The following TGFBR3 variants were observed in gnomAD, a reference collection of about 807,000 sequenced individuals.
TGFBR3 encodes transforming growth factor beta receptor 3.
Under a neutral mutation model 87.9 loss-of-function variants are expected in TGFBR3, and 46 were observed. The ratio of observed to expected loss-of-function variants is 0.52; its 90% confidence interval spans 0.41 to 0.67. The LOEUF (loss-of-function observed/expected upper bound fraction) is 0.67. Among genes scored for constraint, TGFBR3 ranks in the 30% least tolerant of loss-of-function variants. The probability of loss-of-function intolerance (pLI) is 0.00; values close to 1 mark genes in which losing one functional copy is unlikely to be tolerated. For synonymous variants in TGFBR3, 381 were observed against 391.6 expected (o/e 0.97, Z 0.32); for missense variants, 866 against 1,041.9 (o/e 0.83, Z 2.32).
intron 11 of TGFBR3, 37 bp from the exon 12 acceptor site, chr1:91,716,431 C>T (rs1645675724): frequency 6.2e-7 from 1 of 1,613,958 alleles, no homozygotes; most frequent in South Asian, 1.1e-5. Flanking sequence ...TAATGACAGT[C>T]ATATGAAGGA....
At chr1:91,830,544 C>G (rs551407936) in intron 2 of TGFBR3, among the ~76,000 whole-genome samples, 49 of 152,180 alleles carry the variant, frequency 3.2e-4, no homozygotes, top group Non-Finnish European at 6.3e-4. Context: ...GTTCTACAGT[C>G]TGTTCCTAGG....
intron 13 of TGFBR3, 101 bp from the exon 14 acceptor site, chr1:91,708,884 C>A: frequency 6.8e-7 from 1 of 1,480,646 alleles, no homozygotes; most frequent in Non-Finnish European, 9.2e-7. Context: ...TCAGACAGCA[C>A]ACAGCTGTTC....
chr1:91,807,927 C>T (rs1675893961), intron 2 of TGFBR3, among the ~76,000 whole-genome samples: 1 of 152,156 alleles, frequency 6.6e-6, no homozygotes, highest in African/African-American at 2.4e-5. Context: ...AAACGCTTTA[C>T]AAACTTCAAA....
At chr1:91,799,150 T>A (rs1675503620) in intron 2 of TGFBR3, among the ~76,000 whole-genome samples, 1 of 152,270 alleles carries the variant, frequency 6.6e-6, no homozygotes, top group Middle Eastern at 3.4e-3. Flanking sequence ...CAAACAAAGT[T>A]CAGAACCAGC....
Position 91,682,298 on chromosome 1 carries a change from T to C in TGFBR3, c.*1441A>G. The C allele has an allele frequency of 2.2e-6, 1 of 454,048 alleles. No individual in the cohort carries two copies. The highest frequency in any genetic ancestry group is 1.6e-5 in the South Asian group (1 of 64,474). The allele number at this position is 454,048 out of a possible 1,614,324, so 28.1% of individuals were successfully genotyped here. Reference sequence around the variant, plus strand: ...GGGGTAGAATCTATCTTGTTCTACTTATGGAATTCTAAGTTGTTTGGGGGA... The same window carrying C: ...GGGGTAGAATCTATCTTGTTCTACTCATGGAATTCTAAGTTGTTTGGGGGA... On this transcript the variant is annotated 3_prime_UTR_variant, in exon 17 of 17. Transcript: ENST00000212355.
Position 91,850,102 on chromosome 1 carries a change from A to AT in TGFBR3, c.61+11368_61+11369insA, listed in dbSNP as rs1557743388. ...TCTCAAAAAAAAAAAAAAAAAAAAA[A>AT]AAGAAAGAAAAAGAAAAAAATGAAA... On this transcript the variant is annotated intron_variant, in intron 2 of 16. Transcript: ENST00000212355. Among the ~76,000 whole-genome samples the AT allele has an allele frequency of 2.1e-5, 3 of 145,662 alleles. No individual in the cohort carries two copies. In the East Asian group the frequency reaches 5.9e-4, roughly 29 times the overall value.
In TGFBR3 at chr1:91,880,416, G is replaced by A. The variant is rs1490503194; in HGVS notation, c.-114+5462C>T. Among the ~76,000 whole-genome samples the A allele has an allele frequency of 5.3e-5, 8 of 152,114 alleles. No homozygotes were observed. The East Asian group carries it at 1.4e-3, about 26-fold the overall frequency. ...AGATTGAGACCATCCTAGCTAACAC[G>A]GTGAAACCCTGTCTCTACTAAAAAT... On this transcript the variant is annotated intron_variant, in intron 1 of 16. Transcript: ENST00000212355.
chr1:91,868,896 A>G (rs969543990), intron 1 of TGFBR3, among the ~76,000 whole-genome samples: 1 of 152,174 alleles, frequency 6.6e-6, no homozygotes, highest in Non-Finnish European at 1.5e-5. Flanking sequence ...AAACTCTTCA[A>G]TGGTTGCCCA....
At chr1:91,854,176 A>G (rs565039287) in intron 2 of TGFBR3, among the ~76,000 whole-genome samples, 247 of 152,314 alleles carry the variant, frequency 1.6e-3, no homozygotes, top group Middle Eastern at 3.4e-3. Flanking sequence ...TGGTGACTAT[A>G]GTTAATAACA....
At chr1:91,770,195 C>T (rs1674327032) in intron 3 of TGFBR3, among the ~76,000 whole-genome samples, 1 of 151,668 alleles carries the variant, frequency 6.6e-6, no homozygotes, top group South Asian at 2.1e-4. Context: ...TTACCCTGCC[C>T]ATGCTAGAAC....
chr1:91,774,528 T>C (rs1444544981), intron 3 of TGFBR3, among the ~76,000 whole-genome samples: 1 of 152,180 alleles, frequency 6.6e-6, no homozygotes, highest in Non-Finnish European at 1.5e-5. Flanking sequence ...TAAATCAAAA[T>C]ATGATTTAAA....
intron 16 of TGFBR3, among the ~76,000 whole-genome samples, chr1:91,691,236 GA>G (rs1346446608): frequency 2.0e-5 from 3 of 151,498 alleles, no homozygotes; most frequent in African/African-American, 4.9e-5. Flanking sequence ...AAGGGGGTGA[GA>G]AAAAAATAAA....
rs184800433 is a variant in TGFBR3 at position 91,747,620 on chromosome 1, T to C, written c.384+10993A>G. Among the ~76,000 whole-genome samples the C allele has an allele frequency of 3.0e-4, 45 of 152,358 alleles. 1 individual carries two copies. The highest frequency in any genetic ancestry group is 1.1e-3 in the African/African-American group (44 of 41,586). ...AATTTCTGTGATGGTCAGTTTTATA[T>C]GTCAACGTATCTAGGCCATCTTCCC... On this transcript the variant is annotated intron_variant, in intron 4 of 16. Coordinates refer to ENST00000212355, the MANE Select transcript of TGFBR3 (RefSeq NM_003243.5).
chr1:91,724,130 T>A (rs988192160), intron 7 of TGFBR3, among the ~76,000 whole-genome samples: 1 of 152,212 alleles, frequency 6.6e-6, no homozygotes, highest in Non-Finnish European at 1.5e-5. Flanking sequence ...AACCAACTTC[T>A]GCGGCCATTT....
Position 91,761,050 on chromosome 1 carries a change from C to A in TGFBR3, c.247-2300G>T, listed in dbSNP as rs1673942048. Among the ~76,000 whole-genome samples, 3 of 152,214 alleles carry A rather than the reference C, an allele frequency of 2.0e-5. 1 individual carries two copies. The highest frequency in any genetic ancestry group is 6.5e-5 in the Admixed American group (1 of 15,274). ...ACTGAGTACCATAATGATGCAAAGA[C>A]TAGTAATGTATATCTGCAGGGGCTG... On this transcript the variant is annotated intron_variant, in intron 3 of 16. Coordinates refer to ENST00000212355, the MANE Select transcript of TGFBR3 (RefSeq NM_003243.5).
intron 1 of TGFBR3, among the ~76,000 whole-genome samples, chr1:91,877,315 A>G (rs1361387058): frequency 6.6e-6 from 1 of 151,340 alleles, no homozygotes; most frequent in Non-Finnish European, 1.5e-5. Context: ...TTTTCTTCAT[A>G]TTTTCTTTTT....
chr1:91,724,971 C>T (rs747872770), intron 7 of TGFBR3, among the ~76,000 whole-genome samples: 1 of 152,194 alleles, frequency 6.6e-6, no homozygotes, highest in African/African-American at 2.4e-5. Flanking sequence ...TGCCCATCAT[C>T]AACCCTGAAG....
At chr1:91,899,910 T>C (rs932631111) in intron 1 of TGFBR3, among the ~76,000 whole-genome samples, 2 of 150,458 alleles carry the variant, frequency 1.3e-5, no homozygotes, top group South Asian at 4.2e-4. Context: ...TGATGGTACC[T>C]GTGAATAACC....
chr1:91,719,575 G>A, intron 9 of TGFBR3, 111 bp from the exon 10 acceptor site: 1 of 1,350,058 alleles, frequency 7.4e-7, no homozygotes, highest in Non-Finnish European at 1.1e-6. Context: ...TGAGAGGCCT[G>A]CATCGTGCCC....
Sources: gnomAD v4.1 joint callset for allele counts (sites outside exome capture counted in the v4.1 genomes callset) on GRCh38, gnomAD v4.1.1 for gene constraint, MANE v1.5 for transcripts, NCBI Gene and HGNC (gene_info 2026-07-23, HGNC 2026-07-21) for gene names.